The following SRPK2 variants were observed in gnomAD, a reference collection of about 807,000 sequenced individuals.
SRPK2 encodes the protein SFRS protein kinase 2.
In SRPK2, 21 loss-of-function variants were observed where a neutral mutation model predicts 90.8. That is an observed-to-expected ratio of 0.23 (90% CI 0.16 to 0.33). SRPK2 has a LOEUF of 0.33. Ranked by LOEUF, SRPK2 falls within the 10% of genes least tolerant of loss-of-function variation. The pLI, the probability that SRPK2 is intolerant of heterozygous loss-of-function variation, is 1.00. For synonymous variants in SRPK2, 288 were observed against 311.1 expected (o/e 0.93, Z 0.78); for missense variants, 620 against 869.0 (o/e 0.71, Z 3.60).
At chr7:105,190,708 TG>T (rs1239030112) in intron 3 of SRPK2, among the ~76,000 whole-genome samples, 1 of 152,202 alleles carries the variant, frequency 6.6e-6, no homozygotes, top group Non-Finnish European at 1.5e-5. Flanking sequence ...TCTATGCCCT[TG>T]GAAGGCTCCA....
chr7:105,335,651 TA>T (rs60278367), intron 2 of SRPK2, among the ~76,000 whole-genome samples: 4,992 of 114,856 alleles, frequency 0.043, 236 homozygotes, highest in African/African-American at 0.13. Context: ...GACCATCTTT[TA>T]AAAAAAAAAA....
chr7:105,325,669 G>A (rs546843554), intron 2 of SRPK2, among the ~76,000 whole-genome samples: 15 of 151,734 alleles, frequency 9.9e-5, no homozygotes, highest in African/African-American at 3.1e-4. Flanking sequence ...ACAACATAGC[G>A]AGACCTCATG....
intron 2 of SRPK2, among the ~76,000 whole-genome samples, chr7:105,363,514 A>G (rs1387976921): frequency 6.6e-6 from 1 of 152,234 alleles, no homozygotes; most frequent in Admixed American, 6.5e-5. Flanking sequence ...CAATCATTAA[A>G]AAGTCAGGAA....
intron 3 of SRPK2, among the ~76,000 whole-genome samples, chr7:105,195,205 G>A (rs538934761): frequency 3.9e-5 from 6 of 151,994 alleles, no homozygotes; most frequent in East Asian, 1.9e-4. Context: ...GCGTGCCACC[G>A]TGCCCGGCTA....
upstream of SRPK2, chr7:105,389,264 G>A (rs2132878966): frequency 7.9e-7 from 1 of 1,268,132 alleles, no homozygotes; most frequent in Non-Finnish European, 1.0e-6. Flanking sequence ...CGCGCCGCCC[G>A]CTGCTCCATG....
chr7:105,292,478 G>A (rs1025326453), intron 2 of SRPK2, among the ~76,000 whole-genome samples: 1 of 126,466 alleles, frequency 7.9e-6, no homozygotes, highest in Admixed American at 9.5e-5. Context: ...CTCCAGCCTG[G>A]GCGATAGAGT....
Position 105,142,227 on chromosome 7 carries a change from A to G in SRPK2, c.1324T>C (p.Tyr442His). 3 of 1,614,088 alleles carry G rather than the reference A, an allele frequency of 1.9e-6. No homozygotes were observed. In the South Asian group the frequency reaches 3.3e-5, roughly 18 times the overall value. The change falls in exon 11 of 16, where the codon TAT becomes CAT. Residue 442 changes from tyrosine to histidine, a missense_variant. Tyr to His is a moderately conservative substitution (Grantham distance 83, BLOSUM62 2). Around this residue, in one of 8 missense-constraint regions of SRPK2, gnomAD observed 243 missense variants for 245.7 expected, o/e 0.99. Coordinates refer to ENST00000393651, the MANE Select transcript of SRPK2 (RefSeq NM_182692.3). ...AESDYTYSSS[Y>H]EQFNGELPNG... is the part of the protein sequence containing the mutation. ...GGCAATTCACCATTGAATTGTTCAT[A>G]GGAGCTGCTATATGTGTAATCACTT...
chr7:105,347,679 C>A (rs1816630587), intron 2 of SRPK2, among the ~76,000 whole-genome samples: 3 of 151,654 alleles, frequency 2.0e-5, no homozygotes, highest in South Asian at 2.1e-4. Flanking sequence ...CCTGGCAAGA[C>A]CCCCATCTCT....
intron 2 of SRPK2, among the ~76,000 whole-genome samples, chr7:105,292,076 C>A (rs1286245605): frequency 6.6e-6 from 1 of 152,176 alleles, no homozygotes; most frequent in South Asian, 2.1e-4. Flanking sequence ...ATTTCCTTCT[C>A]TGAAATACAC....
At chr7:105,286,689 C>T (rs1808151190) in intron 2 of SRPK2, among the ~76,000 whole-genome samples, 1 of 152,190 alleles carries the variant, frequency 6.6e-6, no homozygotes, top group African/African-American at 2.4e-5. Flanking sequence ...TACACTGGCA[C>T]TCCCTAACTA....
chr7:105,364,355 G>C (rs1818774030), intron 2 of SRPK2, among the ~76,000 whole-genome samples: 1 of 150,648 alleles, frequency 6.6e-6, no homozygotes, highest in East Asian at 2.0e-4. Flanking sequence ...TCTCTATTGA[G>C]TTCTCTTCTG....
At chr7:105,268,539 C>A (rs1805401483) in intron 2 of SRPK2, among the ~76,000 whole-genome samples, 1 of 152,184 alleles carries the variant, frequency 6.6e-6, no homozygotes, top group African/African-American at 2.4e-5. Context: ...TTAAAGCCTT[C>A]AACAGCTGTC....
intron 2 of SRPK2, chr7:105,306,428 T>G: frequency 2.4e-6 from 1 of 422,182 alleles, no homozygotes; most frequent in Non-Finnish European, 4.6e-6. Context: ...AAGTAGAAAT[T>G]TTGAAACCTA....
At position 105,288,339 on chromosome 7, in the gene SRPK2, G is replaced by A. The variant is rs191787295; in HGVS notation, c.72-84554C>T. Among the ~76,000 whole-genome samples the A allele has an allele frequency of 1.7e-4, 26 of 152,296 alleles. No individual in the cohort carries two copies. The East Asian group carries it at 4.1e-3, about 24-fold the overall frequency. Reference sequence around the variant, plus strand: ...AGGCCAGGTGGGGTGGCTCATGCCTGTAATCCCAGCACTTTGGGAGGTAGG... The same window carrying A: ...AGGCCAGGTGGGGTGGCTCATGCCTATAATCCCAGCACTTTGGGAGGTAGG... On this transcript the variant is annotated intron_variant, in intron 2 of 15. Coordinates refer to ENST00000393651, the MANE Select transcript of SRPK2 (RefSeq NM_182692.3).
intron 2 of SRPK2, among the ~76,000 whole-genome samples, chr7:105,254,128 G>A (rs1217677890): frequency 6.6e-6 from 1 of 152,122 alleles, no homozygotes; most frequent in Non-Finnish European, 1.5e-5. Context: ...AGAATCTATT[G>A]ATGAATCTTT....
intron 3 of SRPK2, among the ~76,000 whole-genome samples, chr7:105,183,146 G>A (rs1793105695): frequency 6.6e-6 from 1 of 152,052 alleles, no homozygotes. Flanking sequence ...TACAAATAAG[G>A]ATCTCTTATG....
intron 2 of SRPK2, among the ~76,000 whole-genome samples, chr7:105,387,745 G>A (rs932661543): frequency 1.3e-5 from 2 of 152,156 alleles, no homozygotes; most frequent in African/African-American, 4.8e-5. Context: ...TTAATCTAGA[G>A]GAAGAGATAA....
intron 2 of SRPK2, among the ~76,000 whole-genome samples, chr7:105,260,568 A>G (rs1036817169): frequency 6.6e-6 from 1 of 152,228 alleles, no homozygotes; most frequent in African/African-American, 2.4e-5. Context: ...ATGCTGCTAT[A>G]AAGACACATG....
rs1319232357 is a variant in SRPK2, at chr7:105,142,279, T to C, written c.1272A>G (p.Glu424=). ...DDEEDCPNPE[E]YNLDEPNAES... is the part of the protein sequence containing the mutation. ...CTGCATTTGGCTCATCAAGATTATA[T>C]TCCTCAGGATTTGGGCAGTCTTCTT... Residue 424 remains glutamate, a synonymous_variant, in exon 11 of 16, where the codon GAA becomes GAG. Transcript: ENST00000393651. 1 of 1,614,032 alleles carries C rather than the reference T, an allele frequency of 6.2e-7. No individual in the cohort carries two copies. Among genetic ancestry groups the C allele is most frequent in the African/African-American group, 1.3e-5 (1 of 74,906 alleles).
Sources: gnomAD v4.1 joint callset for allele counts (sites outside exome capture counted in the v4.1 genomes callset) on GRCh38, gnomAD v4.1.1 for gene constraint, gnomAD v4.1.1 regional missense constraint, MANE v1.5 for transcripts, NCBI Gene and HGNC (gene_info 2026-07-23, HGNC 2026-07-21) for gene names.